PAPLN: variants seen among roughly 807,000 people sequenced by gnomAD.
PAPLN encodes papilin.
A neutral mutation model predicts 159.0 loss-of-function variants in PAPLN; 146 were observed. The observed-to-expected ratio is 0.92, with a 90% CI of 0.80 to 1.05. The LOEUF is 1.05. Among genes scored for constraint, PAPLN ranks in the 50% least tolerant of loss-of-function variants. The probability of loss-of-function intolerance (pLI) is 0.00; values close to 1 mark genes in which losing one functional copy is unlikely to be tolerated. For missense variants in PAPLN, 1,720 were observed against 1,743.9 expected (o/e 0.99, Z 0.24); for synonymous variants, 734 against 702.9 (o/e 1.04, Z -0.70).
chr14:73,273,789 A>G lies in PAPLN; in HGVS notation c.*1125A>G, dbSNP rs1461654708. ...CTCTCACCCTTCTAGGCAGTGCATCAGTCAGCTCTAAATCTGGTGCAGAGG... is the reference window on the plus strand; with the variant it reads ...CTCTCACCCTTCTAGGCAGTGCATCGGTCAGCTCTAAATCTGGTGCAGAGG... On this transcript the variant is annotated 3_prime_UTR_variant, in exon 27 of 27. Coordinates refer to ENST00000644200, the MANE Select transcript of PAPLN (RefSeq NM_001365906.3). 6.6e-6 allele frequency: 1 copy of G among 152,264 alleles called. No individual in the cohort carries two copies. Among genetic ancestry groups the G allele is most frequent in the Admixed American group, 6.5e-5 (1 of 15,290 alleles). 9.4% of individuals were successfully genotyped at this position (152,264 alleles called of 1,614,324 possible).
chr14:73,270,402 G>A (rs1322287740), intron 26 of PAPLN, among the ~76,000 whole-genome samples: 2 of 152,226 alleles, frequency 1.3e-5, no homozygotes, highest in Non-Finnish European at 2.9e-5. Flanking sequence ...CTCGCAGCTC[G>A]GTGAACGGGA....
chr14:73,238,794 C>T (rs1883228560), intron 1 of PAPLN, among the ~76,000 whole-genome samples: 1 of 152,258 alleles, frequency 6.6e-6, no homozygotes, highest in Admixed American at 6.5e-5. Flanking sequence ...TTCTGCTGAG[C>T]TTGGCTTCTG....
At position 73,264,267 on chromosome 14, in the gene PAPLN, C is replaced by T. The variant is rs370180276; in HGVS notation, c.2918C>T (p.Ala973Val). The T allele has an allele frequency of 6.0e-5, 97 of 1,613,992 alleles. 1 individual carries two copies. The highest frequency in any genetic ancestry group is 4.2e-4 in the East Asian group (19 of 44,870). The change falls in exon 21 of 27, where the codon GCG becomes GTG. Residue 973 changes from alanine to valine, a missense_variant. Coordinates refer to ENST00000644200, the MANE Select transcript of PAPLN (RefSeq NM_001365906.3). ...LIIHPLQAED[A>V]GTYSCGSTRP... ...ATCCACCCCCTGCAGGCAGAGGACGCGGGCACCTACAGCTGTGGCAGCACC... is the reference window on the plus strand; with the variant it reads ...ATCCACCCCCTGCAGGCAGAGGACGTGGGCACCTACAGCTGTGGCAGCACC...
At chr14:73,268,762 C>T in intron 26 of PAPLN, 39 bp downstream of exon 26, 1 of 1,548,660 alleles carries the variant, frequency 6.5e-7, no homozygotes. Context: ...AAGGACATTC[C>T]CCAGTAGATT....
In PAPLN at chr14:73,267,339, T is replaced by C. The variant is rs544842683; in HGVS notation, c.3500+508T>C. Among the ~76,000 whole-genome samples the C allele has an allele frequency of 1.1e-3, 173 of 152,264 alleles. 2 individuals are homozygous for C. Among genetic ancestry groups the C allele is most frequent in the Admixed American group, 8.5e-4 (13 of 15,294 alleles). ...TATTTGTCCATTCATTTAGCAGCCATTTTTTGCCTCCTCCTTCCCTGTAAT... is the reference window on the plus strand; with the variant it reads ...TATTTGTCCATTCATTTAGCAGCCACTTTTTGCCTCCTCCTTCCCTGTAAT... On this transcript the variant is annotated intron_variant, in intron 25 of 26. Transcript: ENST00000644200.
At position 73,264,699 on chromosome 14, in the gene PAPLN, C is replaced by T. The variant is rs1184638924; in HGVS notation, c.3098C>T (p.Pro1033Leu). Reference sequence around the variant, plus strand: ...GCTGCTGGGCCCCTGGGGGCCATCCCCTCTTCACACCCACAGCCTGCAAAC... The same window carrying T: ...GCTGCTGGGCCCCTGGGGGCCATCCTCTCTTCACACCCACAGCCTGCAAAC... ...AGAAGPLGAI[P>L]SSHPQPANRL... The change falls in exon 22 of 27, where the codon CCC (proline) becomes CTC (leucine). Residue 1033 changes from proline (P) to leucine (L), a missense_variant. Transcript: ENST00000644200. 3 of 1,612,738 alleles carry T rather than the reference C, an allele frequency of 1.9e-6. No individual in the cohort carries two copies. Among genetic ancestry groups the T allele is most frequent in the Non-Finnish European group, 2.5e-6 (3 of 1,179,754 alleles).
chr14:73,261,383 T>C lies in PAPLN; in HGVS notation c.2245+89T>C, dbSNP rs566778214. 19 of 1,495,574 alleles carry C rather than the reference T, an allele frequency of 1.3e-5. No homozygotes were observed. In the Admixed American group the frequency reaches 3.1e-4, roughly 24 times the overall value. 92.6% of individuals were successfully genotyped at this position (1,495,574 alleles called of 1,614,324 possible). A position where few individuals can be genotyped will look rare whatever the true frequency, so the allele number is the denominator to read the frequency against. The stretch of plus-strand genomic sequence containing the variant: ...CCCCACCCAGGACCAAAGACCTTCC[T>C]ACCAGCTCAGTTATTCATTCATTCC... On this transcript the variant is annotated intron_variant, in intron 18 of 26. Coordinates refer to ENST00000644200, the MANE Select transcript of PAPLN (RefSeq NM_001365906.3).
chr14:73,262,897 C>A, intron 19 of PAPLN, 70 bp downstream of exon 19: 2 of 1,300,886 alleles, frequency 1.5e-6, no homozygotes, highest in Non-Finnish European at 2.0e-6. Context: ...TGGAGCTAAA[C>A]CCCTGAAGTC....
At position 73,253,736 on chromosome 14, in the gene PAPLN, G is replaced by A; in HGVS notation, c.1095-18G>A. On this transcript the variant is annotated intron_variant, in intron 11 of 26. Transcript: ENST00000644200. ...CCATGCTCCTGGGCCAGCCTTACCT[G>A]ATTCCCCCTCCTGCCAGCTGGAAGG... The A allele has an allele frequency of 6.3e-7, 1 of 1,579,980 alleles. No individual in the cohort carries two copies. The highest frequency in any genetic ancestry group is 8.6e-7 in the Non-Finnish European group (1 of 1,158,820).
At chr14:73,253,050 C>T (rs1885478609) in intron 11 of PAPLN, 2 of 1,211,280 alleles carry the variant, frequency 1.7e-6, no homozygotes, top group South Asian at 1.2e-5. Flanking sequence ...TCCAGAGGTC[C>T]CTGTCTGTCT....
Position 73,245,487 on chromosome 14 carries a change from G to A in PAPLN, c.171-149G>A. On this transcript the variant is annotated intron_variant, in intron 3 of 26. Transcript: ENST00000644200. The surrounding 1 kb of genome is among the most constrained non-coding windows in gnomAD (Gnocchi z 4.2). ...ACATGGGTCGCTCACTCCCACCTGG[G>A]GGATTTACGGGGTGGGGTCGGGGGA... The A allele has an allele frequency of 1.2e-6, 1 of 810,736 alleles. No homozygotes were observed. Among genetic ancestry groups the A allele is most frequent in the Non-Finnish European group, 1.9e-6 (1 of 521,656 alleles). The allele number at this position is 810,736 out of a possible 1,614,324, so 50.2% of individuals were successfully genotyped here. A position where few individuals can be genotyped will look rare whatever the true frequency, so the allele number is the denominator to read the frequency against.
intron 25 of PAPLN, 60 bp from the exon 26 acceptor site, chr14:73,268,497 C>T (rs985735282): frequency 6.5e-7 from 1 of 1,534,792 alleles, no homozygotes; most frequent in African/African-American, 1.4e-5. Flanking sequence ...TACCTCTTCC[C>T]TCTGTCTCCC....
chr14:73,241,647 A>C (rs1226757084), intron 2 of PAPLN, among the ~76,000 whole-genome samples: 3 of 152,118 alleles, frequency 2.0e-5, no homozygotes, highest in Non-Finnish European at 4.4e-5. Context: ...GCCCTCTGTG[A>C]GTCTGCAGGG....
chr14:73,243,053 T>A (rs184995689), intron 2 of PAPLN: 1 of 152,306 alleles, frequency 6.6e-6, no homozygotes, highest in Non-Finnish European at 1.5e-5. Context: ...AGTGCAGTGA[T>A]GCAATCTCGG....
rs1883107755 is a variant in PAPLN, at chr14:73,237,593, G to C, written c.-7+1G>C. 1 of 152,158 alleles carries C rather than the reference G, an allele frequency of 6.6e-6. No homozygotes were observed. The highest frequency in any genetic ancestry group is 1.5e-5 in the Non-Finnish European group (1 of 68,046). 9.4% of individuals were successfully genotyped at this position (152,158 alleles called of 1,614,324 possible). A position where few individuals can be genotyped will look rare whatever the true frequency, so the allele number is the denominator to read the frequency against. On this transcript the variant is annotated splice_donor_variant, in intron 1 of 26. Coordinates refer to ENST00000644200, the MANE Select transcript of PAPLN (RefSeq NM_001365906.3). LOFTEE classifies it low-confidence loss of function (5UTR_SPLICE). ...AGCCTCCCGGCGCCAGCGAAGACAG[G>C]TAGGGAGGCGGAGGGACTGGAAGCC...
At chr14:73,251,626 G>T (rs762241426) in intron 8 of PAPLN, 38 bp from the exon 9 acceptor site, 3 of 1,613,490 alleles carry the variant, frequency 1.9e-6, no homozygotes, top group Admixed American at 3.3e-5. Context: ...GTGCGGCACT[G>T]CTCCCTCTGG....
intron 9 of PAPLN, 78 bp downstream of exon 9, chr14:73,251,914 G>T (rs903542265): frequency 6.5e-7 from 1 of 1,546,006 alleles, no homozygotes; most frequent in Non-Finnish European, 8.7e-7. Flanking sequence ...GTACATGGGG[G>T]GTTGAGTGGC....
intron 5 of PAPLN, among the ~76,000 whole-genome samples, chr14:73,246,642 CTTTTT>C (rs60063397): frequency 6.0e-5 from 7 of 116,856 alleles, no homozygotes; most frequent in Admixed American, 9.3e-5. Context: ...TTCTTTCTTT[CTTTTT>C]TTTTTTTTTT....
At chr14:73,258,655 AG>A (rs1245795026) in intron 14 of PAPLN, among the ~76,000 whole-genome samples, 3 of 144,428 alleles carry the variant, frequency 2.1e-5, no homozygotes, top group Admixed American at 1.4e-4. Context: ...CCAGCTACTC[AG>A]GGGGCTGAAG....
Sources: gnomAD v4.1 joint callset for allele counts (sites outside exome capture counted in the v4.1 genomes callset) on GRCh38, gnomAD v4.1.1 for gene constraint, Gnocchi (gnomAD v3.1) non-coding constraint, MANE v1.5 for transcripts, NCBI Gene and HGNC (gene_info 2026-07-23, HGNC 2026-07-21) for gene names.